The following CDK14 variants were observed in gnomAD, a reference collection of about 807,000 sequenced individuals.
The protein encoded by CDK14 is cyclin dependent kinase 14.
Under a neutral mutation model 60.7 loss-of-function variants are expected in CDK14, and 34 were observed. That is an observed-to-expected ratio of 0.56 (90% CI 0.43 to 0.75). CDK14 has a LOEUF of 0.75. Among genes scored for constraint, CDK14 ranks in the 30% least tolerant of loss-of-function variants. The probability of loss-of-function intolerance (pLI) is 0.00; values close to 1 mark genes in which losing one functional copy is unlikely to be tolerated. For synonymous variants in CDK14, 197 were observed against 203.7 expected (o/e 0.97, Z 0.28); for missense variants, 482 against 564.1 (o/e 0.85, Z 1.47).
intron 2 of CDK14, among the ~76,000 whole-genome samples, chr7:90,620,725 G>A (rs1443720517): frequency 1.3e-5 from 2 of 152,178 alleles, no homozygotes; most frequent in Admixed American, 6.5e-5. Flanking sequence ...GGTGCTGCAC[G>A]TGACATTTGG....
At chr7:91,006,269 C>G (rs534778991) in intron 10 of CDK14, among the ~76,000 whole-genome samples, 1 of 152,336 alleles carries the variant, frequency 6.6e-6, no homozygotes. Context: ...CTACCCTTCC[C>G]CAAAGGCTAC....
intron 2 of CDK14, among the ~76,000 whole-genome samples, chr7:90,623,860 C>G (rs968300386): frequency 2.6e-5 from 4 of 152,172 alleles, no homozygotes; most frequent in Admixed American, 6.5e-5. Context: ...AAGATTTCAT[C>G]TGGAAGGTTG....
At chr7:90,869,944 G>A (rs1371841140) in intron 6 of CDK14, among the ~76,000 whole-genome samples, 1 of 152,164 alleles carries the variant, frequency 6.6e-6, no homozygotes, top group Non-Finnish European at 1.5e-5. Context: ...TGCTTCTTTG[G>A]ACTGTTAGCT....
intron 2 of CDK14, among the ~76,000 whole-genome samples, chr7:90,640,212 G>T (rs1253960002): frequency 6.6e-6 from 1 of 152,074 alleles, no homozygotes; most frequent in Admixed American, 6.5e-5. Flanking sequence ...TCTTCTGCGT[G>T]GCTCACGCTG....
At chr7:91,075,911 G>A (rs1487714001) in intron 11 of CDK14, among the ~76,000 whole-genome samples, 1 of 152,008 alleles carries the variant, frequency 6.6e-6, no homozygotes, top group Non-Finnish European at 1.5e-5. Flanking sequence ...CAGCTAACAA[G>A]GGATGTGAAG....
intron 5 of CDK14, among the ~76,000 whole-genome samples, chr7:90,791,962 G>A (rs1805849504): frequency 6.7e-6 from 1 of 149,508 alleles, no homozygotes; most frequent in Non-Finnish European, 1.5e-5. Context: ...GAGTGCAATG[G>A]CACAATCTCG....
intron 13 of CDK14, among the ~76,000 whole-genome samples, chr7:91,117,299 C>T (rs1170676624): frequency 1.6e-4 from 25 of 151,586 alleles, no homozygotes; most frequent in Non-Finnish European, 1.5e-4. Context: ...GGATCACGCA[C>T]GCCACTCCTC....
intron 3 of CDK14, among the ~76,000 whole-genome samples, chr7:90,747,146 T>C (rs1803627798): frequency 6.6e-6 from 1 of 152,240 alleles, no homozygotes; most frequent in Non-Finnish European, 1.5e-5. Context: ...TATTTTCACA[T>C]ATCATGAAAC....
At chr7:90,639,995 A>T (rs10953011) in intron 2 of CDK14, among the ~76,000 whole-genome samples, 46,799 of 151,676 alleles carry the variant, frequency 0.31, 8,122 homozygotes, top group East Asian at 0.67. Flanking sequence ...CGGGTGGGAG[A>T]GGCCTGATTT....
intron 14 of CDK14, among the ~76,000 whole-genome samples, chr7:91,148,627 C>A (rs551710460): frequency 2.0e-5 from 3 of 152,160 alleles, no homozygotes; most frequent in African/African-American, 7.2e-5. Context: ...ACATTGCATT[C>A]TTTGGGGAGA....
At chr7:91,062,149 CT>C (rs1490744071) in intron 11 of CDK14, among the ~76,000 whole-genome samples, 4 of 152,310 alleles carry the variant, frequency 2.6e-5, no homozygotes, top group South Asian at 4.1e-4. Flanking sequence ...TGATTTCAGA[CT>C]GCTGTGCTAG....
At chr7:90,665,988 C>A (rs1800972372) in intron 2 of CDK14, among the ~76,000 whole-genome samples, 1 of 152,160 alleles carries the variant, frequency 6.6e-6, no homozygotes. Context: ...CCTTCAGTGG[C>A]CTTTTCCACT....
At chr7:90,642,466 C>T (rs1800361580) in intron 2 of CDK14, among the ~76,000 whole-genome samples, 1 of 152,000 alleles carries the variant, frequency 6.6e-6, no homozygotes, top group Admixed American at 6.6e-5. Context: ...TCTTCTTTTG[C>T]TACTTTCTTT....
chr7:90,661,616 A>G, intron 2 of CDK14, among the ~76,000 whole-genome samples: 1 of 152,170 alleles, frequency 6.6e-6, no homozygotes, highest in East Asian at 1.9e-4. Context: ...CATCAAGATT[A>G]TTATGACATG....
At chr7:91,010,020 T>C (rs990496861) in intron 10 of CDK14, among the ~76,000 whole-genome samples, 1 of 152,158 alleles carries the variant, frequency 6.6e-6, no homozygotes, top group African/African-American at 2.4e-5. Flanking sequence ...TTTTTTAATT[T>C]TTCCATTGCC....
chr7:90,997,758 T>G (rs1208335059), intron 10 of CDK14, among the ~76,000 whole-genome samples: 2 of 152,230 alleles, frequency 1.3e-5, no homozygotes, highest in East Asian at 1.9e-4. Flanking sequence ...GAAATACTGC[T>G]TATCTTTCAT....
intron 5 of CDK14, among the ~76,000 whole-genome samples, chr7:90,802,547 C>A (rs1788682112): frequency 6.6e-6 from 1 of 152,078 alleles, no homozygotes; most frequent in Non-Finnish European, 1.5e-5. Context: ...TGGTCCAGGG[C>A]CTGGTTTCTG....
In CDK14 at chr7:91,178,814, G is replaced by C. The variant is rs566542935; in HGVS notation, c.*29-28351G>C. Reference sequence around the variant, plus strand: ...ATTAAAAAGTCAGGAAACAACAGGTGCTGGAGAGGATGTGGAGAAATAGGA... The same window carrying C: ...ATTAAAAAGTCAGGAAACAACAGGTCCTGGAGAGGATGTGGAGAAATAGGA... On this transcript the variant is annotated intron_variant, in intron 14 of 14. Transcript: ENST00000380050. Among the ~76,000 whole-genome samples, 1,441 of 151,612 alleles carry C rather than the reference G, an allele frequency of 9.5e-3. 15 individuals are homozygous for C. The highest frequency in any genetic ancestry group is 0.015 in the Admixed American group (222 of 15,246).
intron 14 of CDK14, among the ~76,000 whole-genome samples, chr7:91,139,846 CT>C (rs1422691256): frequency 4.4e-5 from 6 of 135,380 alleles, no homozygotes; most frequent in East Asian, 4.0e-4. Context: ...TCCTTTCTTC[CT>C]TTTTTTCTCT....
Sources: gnomAD v4.1 joint callset for allele counts (sites outside exome capture counted in the v4.1 genomes callset) on GRCh38, gnomAD v4.1.1 for gene constraint, MANE v1.5 for transcripts, NCBI Gene and HGNC (gene_info 2026-07-23, HGNC 2026-07-21) for gene names.